CRTC3: variants seen among roughly 807,000 people sequenced by gnomAD.
The protein encoded by CRTC3 is CREB regulated transcription coactivator 3, also known as CREB-regulated transcription coactivator 3.
CRTC3 carries 26 observed loss-of-function variants against 74.5 expected under a neutral mutation model. The ratio of observed to expected loss-of-function variants is 0.35; its 90% CI spans 0.26 to 0.48. The LOEUF is 0.48. Among genes scored for constraint, CRTC3 ranks in the 20% least tolerant of loss-of-function variants. The pLI, the probability that CRTC3 is intolerant of heterozygous loss-of-function variation, is 0.99. For missense variants in CRTC3, 760 were observed against 787.3 expected, an observed-to-expected ratio of 0.97 and a Z score of 0.41; for synonymous variants, 377 against 325.8, an observed-to-expected ratio of 1.16 and a Z score of -1.69.
chr15:90,537,577 G>T (rs1438756349), intron 1 of CRTC3, among the ~76,000 whole-genome samples: 1 of 152,282 alleles, frequency 6.6e-6, no homozygotes, highest in African/African-American at 2.4e-5. Context: ...GTAGAGACAG[G>T]GTTTCACCGT....
In CRTC3 at chr15:90,564,399, C is replaced by T. The variant is rs562891872; in HGVS notation, c.231+24262C>T. On this transcript the variant is annotated intron_variant, in intron 2 of 14. Transcript: ENST00000268184. ...GTAGCTGCTCCTTTGCCTTCACACA[C>T]AAGAAAAAAGTGTGCAAATAGTTCT... Among the ~76,000 whole-genome samples the T allele has an allele frequency of 8.6e-4, 131 of 152,262 alleles. 1 individual carries two copies. The highest frequency in any genetic ancestry group is 3.0e-3 in the African/African-American group (125 of 41,552).
At chr15:90,562,368 A>G (rs539147271) in intron 2 of CRTC3, among the ~76,000 whole-genome samples, 1 of 152,292 alleles carries the variant, frequency 6.6e-6, no homozygotes, top group East Asian at 1.9e-4. Context: ...TTAAACAGTA[A>G]CATGCCCAAG....
chr15:90,629,046 G>C (rs969644206), intron 10 of CRTC3, among the ~76,000 whole-genome samples, 188 bp from the exon 11 acceptor site: 3 of 152,134 alleles, frequency 2.0e-5, no homozygotes, highest in Non-Finnish European at 4.4e-5. Flanking sequence ...CCCCATCTCT[G>C]TTAGTGCAGG....
At chr15:90,538,773 C>CTTTTTTTTTTTTTTTTTTTTTTTTTTT (rs4031379) in intron 1 of CRTC3, among the ~76,000 whole-genome samples, 1 of 144,462 alleles carries the variant, frequency 6.9e-6, no homozygotes. Context: ...CAAACTTCAC[C>CTTTTTTTTTTTTTTTTTTTTTTTTTTT]TTTTTTTTTT....
chr15:90,632,525 CTG>C (rs1217219622), intron 11 of CRTC3, among the ~76,000 whole-genome samples: 6 of 152,318 alleles, frequency 3.9e-5, no homozygotes, highest in African/African-American at 1.4e-4. Context: ...AGAAAAACAG[CTG>C]TCTTTCCCTC....
chr15:90,537,502 G>A (rs1481678642), intron 1 of CRTC3, among the ~76,000 whole-genome samples: 1 of 152,154 alleles, frequency 6.6e-6, no homozygotes, highest in Non-Finnish European at 1.5e-5. Flanking sequence ...TCCTGCTTCA[G>A]CCTCCTGAGT....
At chr15:90,550,617 T>G (rs931246088) in intron 2 of CRTC3, among the ~76,000 whole-genome samples, 5 of 152,142 alleles carry the variant, frequency 3.3e-5, no homozygotes, top group Non-Finnish European at 7.3e-5. Context: ...TTAGCAGCCT[T>G]TGAAATCTCA....
chr15:90,586,074 AT>A (rs950659091), intron 2 of CRTC3, among the ~76,000 whole-genome samples: 28 of 152,138 alleles, frequency 1.8e-4, no homozygotes, highest in African/African-American at 6.8e-4. Flanking sequence ...GCAAGTACCC[AT>A]TCCCAGTGTT....
intron 2 of CRTC3, among the ~76,000 whole-genome samples, chr15:90,566,342 G>T (rs113311381): frequency 0.026 from 3,938 of 152,186 alleles, 161 homozygotes; most frequent in African/African-American, 0.09. Flanking sequence ...TTGAGGTCAG[G>T]AGTTTGAGAC....
At chr15:90,576,217 A>G (rs981769052) in intron 2 of CRTC3, among the ~76,000 whole-genome samples, 10 of 152,162 alleles carry the variant, frequency 6.6e-5, no homozygotes, top group African/African-American at 2.4e-4. Flanking sequence ...CAGCCTAGGC[A>G]ACACAATGAG....
chr15:90,540,167 T>C, intron 2 of CRTC3, 30 bp downstream of exon 2: 1 of 1,388,348 alleles, frequency 7.2e-7, no homozygotes, highest in Non-Finnish European at 1.0e-6. Flanking sequence ...TTCTTGAAGC[T>C]GAATGGAGTG....
intron 5 of CRTC3, chr15:90,607,014 G>A (rs2151083878): frequency 5.9e-6 from 1 of 168,068 alleles, no homozygotes; most frequent in East Asian, 1.7e-4. Flanking sequence ...ACTCTCAGGT[G>A]GAGAAAACCT....
At chr15:90,616,381 T>C (rs537863635) in intron 7 of CRTC3, among the ~76,000 whole-genome samples, 1 of 152,344 alleles carries the variant, frequency 6.6e-6, no homozygotes, top group African/African-American at 2.4e-5. Flanking sequence ...ATTTATATCA[T>C]CAGTTTTATT....
chr15:90,588,995 G>C (rs920558907), intron 2 of CRTC3, among the ~76,000 whole-genome samples: 23 of 152,292 alleles, frequency 1.5e-4, no homozygotes, highest in African/African-American at 5.1e-4. Flanking sequence ...AACTTGAACT[G>C]TTTCTTTGAC....
At chr15:90,576,363 C>G (rs1967403891) in intron 2 of CRTC3, among the ~76,000 whole-genome samples, 1 of 152,084 alleles carries the variant, frequency 6.6e-6, no homozygotes, top group African/African-American at 2.4e-5. Context: ...CCCAAACTTT[C>G]TGGGTTAGGC....
chr15:90,533,003 C>G (rs1027611507), intron 1 of CRTC3, among the ~76,000 whole-genome samples: 2 of 124,870 alleles, frequency 1.6e-5, no homozygotes, highest in African/African-American at 3.1e-5. Context: ...GAGAATCGCT[C>G]GAACCCAGGA....
chr15:90,618,027 T>A (rs1018285557), intron 8 of CRTC3, 59 bp downstream of exon 8: 1 of 1,163,582 alleles, frequency 8.6e-7, no homozygotes, highest in Non-Finnish European at 1.3e-6. Flanking sequence ...TTAGAGGTCA[T>A]TGAAAAATCC....
At chr15:90,641,344 T>C (rs1444827726) in intron 14 of CRTC3, 145 bp downstream of exon 14, 1 of 629,344 alleles carries the variant, frequency 1.6e-6, no homozygotes, top group Non-Finnish European at 2.8e-6. Context: ...GAGATGCAGG[T>C]GTCCAGCCTC....
At chr15:90,547,790 A>G (rs7169230) in intron 2 of CRTC3, among the ~76,000 whole-genome samples, 19,548 of 152,018 alleles carry the variant, frequency 0.13, 1,694 homozygotes, top group African/African-American at 0.25. Context: ...CAGCTAGGGC[A>G]CATGTTGACT....
Sources: gnomAD v4.1 joint callset for allele counts (sites outside exome capture counted in the v4.1 genomes callset) on GRCh38, gnomAD v4.1.1 for gene constraint, MANE v1.5 for transcripts, NCBI Gene and HGNC (gene_info 2026-07-23, HGNC 2026-07-21) for gene names.